AKAP12: variants seen among roughly 807,000 people sequenced by gnomAD.
AKAP12 encodes A-kinase anchor protein 12.
AKAP12 carries 32 observed loss-of-function variants against 79.9 expected under a neutral mutation model. The observed-to-expected ratio is 0.40, with a 90% CI of 0.30 to 0.54. The LOEUF is 0.54. AKAP12 is among the 20% of genes least tolerant of loss of function. The probability of loss-of-function intolerance (pLI) is 0.48; values close to 1 mark genes in which losing one functional copy is unlikely to be tolerated. For synonymous variants in AKAP12, 808 were observed against 857.0 expected (o/e 0.94, Z 1.00); for missense variants, 2,074 against 2,177.0 (o/e 0.95, Z 0.94).
At chr6:151,321,399 G>A (rs776147180) in intron 3 of AKAP12, among the ~76,000 whole-genome samples, 14 of 152,154 alleles carry the variant, frequency 9.2e-5, no homozygotes, top group Admixed American at 2.6e-4. Flanking sequence ...CTATGGATTC[G>A]CCTCTTGTAG....
chr6:151,262,028 C>A (rs1227555961), intron 2 of AKAP12, among the ~76,000 whole-genome samples: 1 of 152,104 alleles, frequency 6.6e-6, no homozygotes, highest in East Asian at 1.9e-4. Context: ...ATGGCGAGAT[C>A]TTGAACCGCC....
At chr6:151,328,636 C>CAAAAAAA (rs113704575) in intron 3 of AKAP12, among the ~76,000 whole-genome samples, 1 of 116,492 alleles carries the variant, frequency 8.6e-6, no homozygotes. Flanking sequence ...GACTCCGTCT[C>CAAAAAAA]AAAAAAAAAA....
chr6:151,345,746 C>G (rs1778076927), intron 3 of AKAP12, among the ~76,000 whole-genome samples: 1 of 148,910 alleles, frequency 6.7e-6, no homozygotes, highest in African/African-American at 2.5e-5. Flanking sequence ...GCAGTGAGCC[C>G]AGATCACATC....
intron 2 of AKAP12, among the ~76,000 whole-genome samples, chr6:151,301,399 A>G (rs1776860486): frequency 6.6e-6 from 1 of 152,228 alleles, no homozygotes; most frequent in Admixed American, 6.5e-5. Flanking sequence ...ATACACACGT[A>G]GAAAACACAG....
Position 151,352,124 on chromosome 6 carries a change from C to T in AKAP12, c.3733C>T (p.His1245Tyr), listed in dbSNP as rs746787132. Residue 1245 changes from histidine to tyrosine, a missense_variant, in exon 4 of 5, where the codon CAT becomes TAT. Transcript: ENST00000402676. The stretch of plus-strand genomic sequence containing the variant: ...ATCAAAGATGGAAGACACTCTAGAG[C>T]ATACAGATAAAGAGGTGTCAGTGGA... ...EQSKMEDTLE[H>Y]TDKEVSVETV... The T allele has an allele frequency of 8.1e-6, 13 of 1,613,978 alleles. No homozygotes were observed. The East Asian group carries it at 2.5e-4, about 30-fold the overall frequency.
chr6:151,312,138 G>C (rs971456204), intron 3 of AKAP12, among the ~76,000 whole-genome samples: 1 of 152,028 alleles, frequency 6.6e-6, no homozygotes, highest in Non-Finnish European at 1.5e-5. Context: ...TTAACATCTG[G>C]CATTTGACAT....
intron 2 of AKAP12, among the ~76,000 whole-genome samples, chr6:151,253,852 G>A (rs1797238703): frequency 6.6e-6 from 1 of 151,962 alleles, no homozygotes; most frequent in Non-Finnish European, 1.5e-5. Context: ...AATTACAGGT[G>A]TGAGCCACCA....
In AKAP12 at chr6:151,352,323, A is replaced by C. The variant is rs754435792; in HGVS notation, c.3932A>C (p.Glu1311Ala). 11 of 1,614,068 alleles carry C rather than the reference A, an allele frequency of 6.8e-6. No homozygotes were observed. Among genetic ancestry groups the C allele is most frequent in the Admixed American group, 6.7e-5 (4 of 60,006 alleles). The change falls in exon 4 of 5, where the codon GAA becomes GCA. Residue 1311 changes from glutamate (E) to alanine (A), a missense_variant. Around this residue, in one of 3 missense-constraint regions of AKAP12, gnomAD observed 614 missense variants for 665.6 expected, o/e 0.92. Transcript: ENST00000402676. ...EVALKGEGTEEAECKKDDALE... is the reference protein window; with the variant it reads ...EVALKGEGTEAAECKKDDALE... ...GCCCTTAAAGGTGAAGGGACAGAAG[A>C]AGCTGAATGTAAAAAGGATGATGCT...
rs760470440 is a variant in AKAP12, at chr6:151,351,973, C to A, written c.3582C>A (p.Ile1194=). Residue 1194 remains isoleucine, a synonymous_variant, in exon 4 of 5, where the codon ATC becomes ATA. Coordinates refer to ENST00000402676, the MANE Select transcript of AKAP12 (RefSeq NM_005100.4). The surrounding 1 kb of genome is among the most constrained non-coding windows in gnomAD (Gnocchi z 4.4). The part of the protein sequence containing the change: ...GTTQKDEIVE[I]HEENEVASGT... ...CCCAGAAAGACGAGATTGTGGAAAT[C>A]CATGAGGAGAATGAGGTCGCATCTG... 6.2e-7 allele frequency: 1 copy of A among 1,614,074 alleles called. No homozygotes were observed. The highest frequency in any genetic ancestry group is 1.1e-5 in the South Asian group (1 of 91,068).
chr6:151,322,495 T>C (rs1413335530), intron 3 of AKAP12, among the ~76,000 whole-genome samples: 2 of 152,190 alleles, frequency 1.3e-5, no homozygotes, highest in Non-Finnish European at 2.9e-5. Context: ...CTAAGTAAAC[T>C]CCGAACCTCA....
chr6:151,287,461 A>G (rs1776528732), intron 2 of AKAP12, among the ~76,000 whole-genome samples: 1 of 151,996 alleles, frequency 6.6e-6, no homozygotes, highest in Non-Finnish European at 1.5e-5. Flanking sequence ...GGATTTCACC[A>G]TGTTGCTCAG....
At chr6:151,344,507 C>T (rs1778034023) in intron 3 of AKAP12, among the ~76,000 whole-genome samples, 1 of 129,106 alleles carries the variant, frequency 7.7e-6, no homozygotes, top group Admixed American at 8.1e-5. Context: ...GGTTGGGTAC[C>T]TCAGGCAGTT....
chr6:151,289,325 T>C (rs776378548), intron 2 of AKAP12, among the ~76,000 whole-genome samples: 1 of 152,200 alleles, frequency 6.6e-6, no homozygotes, highest in Non-Finnish European at 1.5e-5. Flanking sequence ...AAATTCACCA[T>C]ACTTGGATAG....
intron 3 of AKAP12, among the ~76,000 whole-genome samples, chr6:151,321,440 A>G (rs1298738648): frequency 6.6e-6 from 1 of 152,156 alleles, no homozygotes; most frequent in Admixed American, 6.5e-5. Context: ...TAAACCGTGT[A>G]TGCTCTTTGG....
chr6:151,269,271 T>C (rs1004217560), intron 2 of AKAP12, among the ~76,000 whole-genome samples: 2 of 152,060 alleles, frequency 1.3e-5, no homozygotes, highest in African/African-American at 4.8e-5. Flanking sequence ...AGTGGCATTT[T>C]CAGTTTTTTT....
In AKAP12 at chr6:151,350,883, C is replaced by T. The variant is rs761607481; in HGVS notation, c.2492C>T (p.Ala831Val). The change falls in exon 4 of 5, where the codon GCA (alanine) becomes GTA (valine). Residue 831 changes from alanine (A) to valine (V), a missense_variant. By Grantham distance (64) the Ala-to-Val change is moderately conservative. Around this residue, in one of 3 missense-constraint regions of AKAP12, gnomAD observed 1,428 missense variants for 1,451.0 expected, o/e 0.98. Transcript: ENST00000402676. This position sits in a 1 kb window ranked among gnomAD's most constrained non-coding sequence, Gnocchi z 4.8. ...GKQEQAPVED[A>V]GPTGANEDDS... ...CAAGAACAAGCCCCTGTTGAAGACGCAGGGCCAACAGGGGCCAACGAAGAT... is the reference window on the plus strand; with the variant it reads ...CAAGAACAAGCCCCTGTTGAAGACGTAGGGCCAACAGGGGCCAACGAAGAT... The T allele has an allele frequency of 6.2e-7, 1 of 1,614,014 alleles. No homozygotes were observed. Among genetic ancestry groups the T allele is most frequent in the African/African-American group, 1.3e-5 (1 of 74,912 alleles).
At chr6:151,330,376 A>C (rs921566838) in intron 3 of AKAP12, among the ~76,000 whole-genome samples, 1 of 152,182 alleles carries the variant, frequency 6.6e-6, no homozygotes, top group Non-Finnish European at 1.5e-5. Flanking sequence ...GAATTTGCAT[A>C]TATCTCCGCT....
At chr6:151,315,025 C>T (rs908359641) in intron 3 of AKAP12, among the ~76,000 whole-genome samples, 2 of 149,914 alleles carry the variant, frequency 1.3e-5, no homozygotes, top group African/African-American at 4.9e-5. Flanking sequence ...GCACTCCACC[C>T]TGGGCAACAG....
chr6:151,302,401 C>CCTCCTGCCTCAGT (rs1776882013), intron 2 of AKAP12, among the ~76,000 whole-genome samples: 1 of 151,970 alleles, frequency 6.6e-6, no homozygotes, highest in Admixed American at 6.6e-5. Context: ...CTCAAGCAAT[C>CCTCCTGCCTCAGT]CTCCTGCCTC....
Sources: allele counts gnomAD v4.1 joint callset (sites outside exome capture counted in the v4.1 genomes callset), GRCh38; gene constraint gnomAD v4.1.1; regional missense constraint gnomAD v4.1.1; non-coding constraint Gnocchi (gnomAD v3.1); transcripts MANE v1.5; gene names NCBI Gene and HGNC (gene_info 2026-07-23, HGNC 2026-07-21).